ANO3: variants seen among roughly 807,000 people sequenced by gnomAD.
The protein encoded by ANO3 is anoctamin 3.
A neutral mutation model predicts 144.8 loss-of-function variants in ANO3; 99 were observed. The ratio of observed to expected loss-of-function variants is 0.68; its 90% CI spans 0.58 to 0.81. The LOEUF (loss-of-function observed/expected upper bound fraction) is 0.81, where lower values mean the gene tolerates loss of function less well. Ranked by LOEUF, ANO3 falls within the 30% of genes least tolerant of loss-of-function variation. The pLI is 0.00. For synonymous variants in ANO3, 414 were observed against 392.6 expected, an observed-to-expected ratio of 1.05 and a Z score of -0.64; for missense variants, 905 against 1,202.2, an observed-to-expected ratio of 0.75 and a Z score of 3.66.
At chr11:26,302,914 A>G (rs2133864234) in intron 1 of ANO3, among the ~76,000 whole-genome samples, 1 of 152,322 alleles carries the variant, frequency 6.6e-6, no homozygotes, top group Non-Finnish European at 1.5e-5. Context: ...GACATTTTTT[A>G]AAAGTAGCCA....
intron 14 of ANO3, chr11:26,565,420 C>T (rs1565110153): frequency 6.2e-7 from 1 of 1,613,376 alleles, no homozygotes; most frequent in Admixed American, 1.7e-5. Flanking sequence ...GTGAAGTTTT[C>T]TGAAGACAGA....
At chr11:26,443,991 A>G (rs1858619900) in intron 3 of ANO3, among the ~76,000 whole-genome samples, 155 bp downstream of exon 3, 1 of 152,194 alleles carries the variant, frequency 6.6e-6, no homozygotes, top group Non-Finnish European at 1.5e-5. Context: ...TAAGAAATTA[A>G]GAAATGTATA....
At chr11:26,554,897 G>GTTTTATACA in intron 13 of ANO3, among the ~76,000 whole-genome samples, 1 of 152,082 alleles carries the variant, frequency 6.6e-6, no homozygotes, top group Non-Finnish European at 1.5e-5. Context: ...GTAATCTGTT[G>GTTTTATACA]TTTTATACAT....
intron 2 of ANO3, 70 bp downstream of exon 2, chr11:26,442,182 C>G: frequency 6.8e-7 from 1 of 1,475,282 alleles, no homozygotes; most frequent in Non-Finnish European, 9.2e-7. Flanking sequence ...TCCTTTCCTT[C>G]CTTTTTCCAT....
In ANO3 at chr11:26,198,546, A is replaced by G. The variant is rs572949169; in HGVS notation, c.154+9216A>G. ...AAATTATAAAGAAAGACAGACTTTTATAAAGAAAGGAGGAGGGCATTCCTG... is the reference window on the plus strand; with the variant it reads ...AAATTATAAAGAAAGACAGACTTTTGTAAAGAAAGGAGGAGGGCATTCCTG... On this transcript the variant is annotated intron_variant, in intron 1 of 27. Transcript: ENST00000672621. Among the ~76,000 whole-genome samples the G allele has an allele frequency of 2.6e-5, 4 of 152,360 alleles. No homozygotes were observed. In the South Asian group the frequency reaches 6.2e-4, roughly 24 times the overall value.
At chr11:26,604,179 C>A (rs369988439) in intron 17 of ANO3, among the ~76,000 whole-genome samples, 2 of 152,102 alleles carry the variant, frequency 1.3e-5, no homozygotes, top group East Asian at 1.9e-4. Flanking sequence ...ATCCTCTCCC[C>A]ATTGCTTGTT....
chr11:26,452,142 G>A (rs565277877), intron 3 of ANO3, among the ~76,000 whole-genome samples: 121 of 152,302 alleles, frequency 7.9e-4, no homozygotes, highest in Non-Finnish European at 1.3e-3. Context: ...AAAAAACAGA[G>A]CAGAAAAACT....
At chr11:26,368,871 C>T (rs1856169686) in intron 1 of ANO3, among the ~76,000 whole-genome samples, 2 of 151,344 alleles carry the variant, frequency 1.3e-5, no homozygotes, top group African/African-American at 4.9e-5. Context: ...ATGAAACAAC[C>T]TATTTTAAAA....
intron 1 of ANO3, among the ~76,000 whole-genome samples, chr11:26,211,724 G>A (rs937893894): frequency 6.6e-6 from 1 of 152,098 alleles, no homozygotes; most frequent in African/African-American, 2.4e-5. Context: ...TATACCCAGA[G>A]GATTATAAAT....
At chr11:26,364,022 T>C (rs967325805) in intron 1 of ANO3, among the ~76,000 whole-genome samples, 7 of 152,302 alleles carry the variant, frequency 4.6e-5, no homozygotes, top group East Asian at 3.9e-4. Context: ...GTACATTAAT[T>C]TGTGATATTA....
intron 14 of ANO3, among the ~76,000 whole-genome samples, chr11:26,595,460 GTTTTT>G (rs201712393): frequency 2.6e-4 from 26 of 101,386 alleles, no homozygotes; most frequent in African/African-American, 9.2e-4. Flanking sequence ...AGATAGAGTT[GTTTTT>G]TTTTTTTTTT....
At chr11:26,485,223 C>T (rs1403117036) in intron 4 of ANO3, among the ~76,000 whole-genome samples, 1 of 152,238 alleles carries the variant, frequency 6.6e-6, no homozygotes. Context: ...ATATGGTTTG[C>T]GTGTGTGTCT....
chr11:26,196,445 A>C (rs1297449490), intron 1 of ANO3, among the ~76,000 whole-genome samples: 1 of 152,128 alleles, frequency 6.6e-6, no homozygotes. Flanking sequence ...TTCAGATTTC[A>C]TGCTCCATTT....
intron 1 of ANO3, among the ~76,000 whole-genome samples, chr11:26,290,424 A>C (rs1195814446): frequency 6.6e-6 from 1 of 151,946 alleles, no homozygotes; most frequent in Non-Finnish European, 1.5e-5. Flanking sequence ...TTCTGCTCTG[A>C]TCTTAATTAT....
intron 1 of ANO3, among the ~76,000 whole-genome samples, chr11:26,279,345 G>C (rs10834941): frequency 6.6e-6 from 1 of 151,938 alleles, no homozygotes; most frequent in Non-Finnish European, 1.5e-5. Context: ...ACAGATTTCT[G>C]CCTCTTTGAA....
At chr11:26,599,454 T>C (rs1851730878) in intron 16 of ANO3, 96 bp from the exon 17 acceptor site, 16 of 1,257,052 alleles carry the variant, frequency 1.3e-5, no homozygotes, top group Middle Eastern at 2.0e-4. Context: ...GTAAATACCT[T>C]CAATTCTTGG....
chr11:26,492,544 A>G (rs1248460821), intron 4 of ANO3, among the ~76,000 whole-genome samples: 2 of 152,184 alleles, frequency 1.3e-5, no homozygotes, highest in Non-Finnish European at 2.9e-5. Context: ...TTGTTTTAAT[A>G]AAGTACTCTT....
rs1261443443 is a variant in ANO3, at chr11:26,551,851, T to A, written c.1290-1398T>A. Among the ~76,000 whole-genome samples, 4 of 152,026 alleles carry A rather than the reference T, an allele frequency of 2.6e-5. No homozygotes were observed. In the East Asian group the frequency reaches 7.7e-4, roughly 29 times the overall value. ...AGTTTACCTGCTTTCTCCTACTTTA[T>A]GTAGACATCCTGATTACTAGTAAGA... On this transcript the variant is annotated intron_variant, in intron 12 of 26. Transcript: ENST00000256737.
chr11:26,435,274 C>G (rs1435582595), intron 1 of ANO3, among the ~76,000 whole-genome samples: 4 of 152,146 alleles, frequency 2.6e-5, no homozygotes, highest in Admixed American at 2.6e-4. Flanking sequence ...TGCAGGGTTT[C>G]TTCTGAAAGG....
Sources: gnomAD v4.1 joint callset for allele counts (sites outside exome capture counted in the v4.1 genomes callset) on GRCh38, gnomAD v4.1.1 for gene constraint, MANE v1.5 for transcripts, NCBI Gene and HGNC (gene_info 2026-07-23, HGNC 2026-07-21) for gene names.